PTPRD: variants seen among roughly 807,000 people sequenced by gnomAD.
PTPRD encodes receptor-type tyrosine-protein phosphatase delta.
Under a neutral mutation model 214.5 loss-of-function variants are expected in PTPRD, and 34 were observed. The ratio of observed to expected loss-of-function variants is 0.16; its 90% CI spans 0.12 to 0.21. The LOEUF (loss-of-function observed/expected upper bound fraction) is 0.21. PTPRD is among the 10% of genes least tolerant of loss of function. The probability of loss-of-function intolerance (pLI) is 1.00; values close to 1 mark genes in which losing one functional copy is unlikely to be tolerated. For missense variants in PTPRD, 2,545 were observed against 2,398.7 expected, an observed-to-expected ratio of 1.06 and a Z score of -1.27; for synonymous variants, 1,128 against 845.7, an observed-to-expected ratio of 1.33 and a Z score of -5.79.
intron 5 of PTPRD, among the ~76,000 whole-genome samples, chr9:9,838,733 G>A (rs1318283809): frequency 6.6e-6 from 1 of 152,066 alleles, no homozygotes; most frequent in Non-Finnish European, 1.5e-5. Flanking sequence ...TCACTCTGAT[G>A]GTAGTTTCTT....
chr9:8,762,546 C>T (rs762204123), intron 11 of PTPRD, among the ~76,000 whole-genome samples: 11 of 151,986 alleles, frequency 7.2e-5, no homozygotes, highest in South Asian at 2.1e-4. Flanking sequence ...CTCTCTGGCA[C>T]GGAGGAGAGA....
At chr9:9,886,649 G>C (rs1268764242) in intron 5 of PTPRD, among the ~76,000 whole-genome samples, 1 of 152,108 alleles carries the variant, frequency 6.6e-6, no homozygotes, top group Non-Finnish European at 1.5e-5. Flanking sequence ...CCTTGAATCT[G>C]GGCAGGAATG....
At chr9:9,764,001 TTA>T (rs2098685897) in intron 6 of PTPRD, among the ~76,000 whole-genome samples, 1 of 152,148 alleles carries the variant, frequency 6.6e-6, no homozygotes, top group African/African-American at 2.4e-5. Flanking sequence ...TGATTAAAAT[TTA>T]TTTTATATTT....
chr9:8,764,043 G>T (rs1357075767), intron 11 of PTPRD, among the ~76,000 whole-genome samples: 1 of 152,130 alleles, frequency 6.6e-6, no homozygotes, highest in Non-Finnish European at 1.5e-5. Flanking sequence ...AATATTATAA[G>T]TGAAGGGAGT....
intron 33 of PTPRD, among the ~76,000 whole-genome samples, chr9:8,458,692 T>C (rs542740560): frequency 1.3e-5 from 2 of 152,254 alleles, no homozygotes; most frequent in African/African-American, 4.8e-5. Flanking sequence ...GGCAGGTGTG[T>C]ACCTCATGCT....
intron 3 of PTPRD, among the ~76,000 whole-genome samples, chr9:10,125,549 G>A (rs1336543768): frequency 6.6e-6 from 1 of 150,790 alleles, no homozygotes; most frequent in Non-Finnish European, 1.5e-5. Context: ...CTGCCTCCCA[G>A]GTTCAAGCGA....
At chr9:9,673,853 CA>C (rs1181665112) in intron 7 of PTPRD, among the ~76,000 whole-genome samples, 2 of 151,498 alleles carry the variant, frequency 1.3e-5, no homozygotes, top group Non-Finnish European at 3.0e-5. Context: ...AAAGATGTAA[CA>C]ATTAAACCCC....
chr9:9,751,693 G>T (rs138982287), intron 6 of PTPRD, among the ~76,000 whole-genome samples: 1 of 152,064 alleles, frequency 6.6e-6, no homozygotes, highest in East Asian at 1.9e-4. Context: ...AGATTGGAAT[G>T]ATATATCTAC....
intron 4 of PTPRD, among the ~76,000 whole-genome samples, chr9:10,031,579 T>C (rs914852024): frequency 1.4e-5 from 2 of 147,362 alleles, no homozygotes; most frequent in African/African-American, 5.1e-5. Flanking sequence ...AGACAGCATA[T>C]TGTGGGACCT....
chr9:8,831,836 A>G (rs1159833596), intron 11 of PTPRD, among the ~76,000 whole-genome samples: 1 of 152,214 alleles, frequency 6.6e-6, no homozygotes, highest in Non-Finnish European at 1.5e-5. Flanking sequence ...GACGATTTAC[A>G]TATACTAATT....
At chr9:8,634,952 T>A (rs1478491309) in intron 13 of PTPRD, among the ~76,000 whole-genome samples, 1 of 151,248 alleles carries the variant, frequency 6.6e-6, no homozygotes, top group Non-Finnish European at 1.5e-5. Context: ...CCAGACACCA[T>A]ACTTAGCACT....
intron 5 of PTPRD, among the ~76,000 whole-genome samples, chr9:9,787,461 T>G (rs981381590): frequency 6.7e-6 from 1 of 149,852 alleles, no homozygotes; most frequent in Non-Finnish European, 1.5e-5. Flanking sequence ...CAGTCCAAAA[T>G]TTAATTAATG....
chr9:8,480,401 C>A lies in PTPRD; in HGVS notation c.3413+3718G>T, dbSNP rs371968356. On this transcript the variant is annotated intron_variant, in intron 30 of 45. Transcript: ENST00000381196. ...CCGGAGTTAGGAGCCTCGTCTACAG[C>A]CTCCCTTATCTATCTAATTTTCTCT... 3.3e-4 allele frequency among the ~76,000 whole-genome samples: 50 copies of A among 152,262 alleles called. No homozygotes were observed. The South Asian group carries it at 9.5e-3, about 29-fold the overall frequency.
At chr9:9,490,555 TA>T (rs2095851895) in intron 8 of PTPRD, among the ~76,000 whole-genome samples, 1 of 152,000 alleles carries the variant, frequency 6.6e-6, no homozygotes, top group South Asian at 2.1e-4. Context: ...ACACAATGTA[TA>T]AAAATGAAAT....
intron 10 of PTPRD, among the ~76,000 whole-genome samples, chr9:9,072,667 A>T (rs1479122122): frequency 1.3e-5 from 2 of 152,192 alleles, no homozygotes; most frequent in Admixed American, 6.5e-5. Flanking sequence ...TCTTCATTAG[A>T]GTCCTGTGAT....
intron 10 of PTPRD, among the ~76,000 whole-genome samples, chr9:9,067,575 G>T (rs2099736795): frequency 6.6e-6 from 1 of 152,064 alleles, no homozygotes. Flanking sequence ...TTCAAGGTTT[G>T]CAAGGACATT....
Position 9,447,070 on chromosome 9 carries a change from T to A in PTPRD, c.-236-49588A>T, listed in dbSNP as rs1336644353. Among the ~76,000 whole-genome samples the A allele has an allele frequency of 6.6e-5, 10 of 152,250 alleles. No homozygotes were observed. The Middle Eastern group carries it at 0.014, about 207-fold the overall frequency. On this transcript the variant is annotated intron_variant, in intron 8 of 45. Transcript: ENST00000381196. The stretch of plus-strand genomic sequence containing the variant: ...GAACGCTATACACTGGTGGTGGAAG[T>A]GTAATTTAGTTCAACCATTTGTGGA...
intron 14 of PTPRD, among the ~76,000 whole-genome samples, chr9:8,594,069 T>A (rs1054133333): frequency 1.3e-5 from 2 of 152,220 alleles, no homozygotes; most frequent in African/African-American, 4.8e-5. Context: ...AGGCACTACA[T>A]TGATGTAATA....
chr9:9,111,380 G>C (rs190707505), intron 10 of PTPRD, among the ~76,000 whole-genome samples: 1 of 151,192 alleles, frequency 6.6e-6, no homozygotes, highest in Non-Finnish European at 1.5e-5. Flanking sequence ...CTTTAGAACC[G>C]GAATCTTCTG....
Sources: allele counts gnomAD v4.1 joint callset (sites outside exome capture counted in the v4.1 genomes callset), GRCh38; gene constraint gnomAD v4.1.1; transcripts MANE v1.5; gene names NCBI Gene and HGNC (gene_info 2026-07-23, HGNC 2026-07-21).